FHL2: variants seen among roughly 807,000 people sequenced by gnomAD.
The protein encoded by FHL2 is four and a half LIM domains 2, also known as four and a half LIM domains protein 2.
Under a neutral mutation model 32.7 loss-of-function variants are expected in FHL2, and 20 were observed. The ratio of observed to expected loss-of-function variants is 0.61; its 90% CI spans 0.43 to 0.89. FHL2 has a LOEUF of 0.89. Among genes scored for constraint, FHL2 ranks in the 40% least tolerant of loss-of-function variants. FHL2 has a pLI of 0.00. For synonymous variants in FHL2, 123 were observed against 128.1 expected (o/e 0.96, Z 0.27); for missense variants, 311 against 358.6 (o/e 0.87, Z 1.07).
chr2:105,367,827 C>A, intron 4 of FHL2, 88 bp from the exon 5 acceptor site: 1 of 1,392,790 alleles, frequency 7.2e-7, no homozygotes. Context: ...TTGCTGCCCT[C>A]TAGTTTTATG....
intron 3 of FHL2, among the ~76,000 whole-genome samples, chr2:105,374,954 C>T (rs993713854): frequency 2.0e-5 from 3 of 152,128 alleles, no homozygotes; most frequent in Admixed American, 1.3e-4. Flanking sequence ...GGGCTGTTCA[C>T]GCGATGGCCC....
intron 2 of FHL2, among the ~76,000 whole-genome samples, chr2:105,388,279 G>A (rs1392008693): frequency 6.6e-6 from 1 of 152,062 alleles, no homozygotes; most frequent in Non-Finnish European, 1.5e-5. Flanking sequence ...AAAATAAGGG[G>A]TCTCCATGCC....
In FHL2 at chr2:105,399,019, G is replaced by C; in HGVS notation, c.-253C>G. On this transcript the variant is annotated 5_prime_UTR_variant, in exon 1 of 7. Transcript: ENST00000530340. ...CCGGACGGGGCTGGAGGGCGCGGGC[G>C]GCTGGTGGCTGCGGCTCCGCTGCCG... is the stretch of plus-strand genomic sequence containing the variant. 2 of 1,494,348 alleles carry C rather than the reference G, an allele frequency of 1.3e-6. No individual in the cohort carries two copies. The highest frequency in any genetic ancestry group is 1.8e-6 in the Non-Finnish European group (2 of 1,125,164). The allele number at this position is 1,494,348 out of a possible 1,614,324, so 92.6% of individuals were successfully genotyped here. A position where few individuals can be genotyped will look rare whatever the true frequency, so the allele number is the denominator to read the frequency against.
chr2:105,399,314 C>A (rs1235139363), upstream of FHL2: 18 of 1,535,682 alleles, frequency 1.2e-5, no homozygotes, highest in Middle Eastern at 3.3e-4. Context: ...GGCTCTCGGG[C>A]GCGAGTTTCG....
At position 105,367,698 on chromosome 2, in the gene FHL2, T is replaced by A. The variant is rs760901034; in HGVS notation, c.373A>T (p.Thr125Ser). 3.1e-6 allele frequency: 5 copies of A among 1,614,096 alleles called. No homozygotes were observed. In the African/African-American group the frequency reaches 6.7e-5, roughly 22 times the overall value. ...TGGCAGCGGTGGCAGATGAAGCAGG[T>A]CTCATGCCAGCTGCTGCCCTTGTAC... is the stretch of plus-strand genomic sequence containing the variant. Reference protein sequence around the residue: ...MEYKGSSWHETCFICHRCQQP... With the variant: ...MEYKGSSWHESCFICHRCQQP... The change falls in exon 5 of 7, where the codon ACC becomes TCC. Residue 125 changes from threonine (T) to serine (S), a missense_variant. Physicochemically the swap from Thr to Ser is moderately conservative, Grantham distance 58. Coordinates refer to ENST00000530340, the MANE Select transcript of FHL2 (RefSeq NM_001318895.3).
chr2:105,434,036 A>G (rs1202437816), intron 1 of FHL2, among the ~76,000 whole-genome samples: 2 of 152,110 alleles, frequency 1.3e-5, no homozygotes, highest in African/African-American at 4.8e-5. Flanking sequence ...CCATCTCCAT[A>G]TTGTTCACAT....
At chr2:105,365,467 T>A (rs1174772850) in intron 5 of FHL2, among the ~76,000 whole-genome samples, 3 of 152,114 alleles carry the variant, frequency 2.0e-5, no homozygotes, top group African/African-American at 7.2e-5. Context: ...AAGCACACAT[T>A]GGAAAGATGA....
At chr2:105,375,223 A>G (rs1388893948) in intron 3 of FHL2, 3 of 152,162 alleles carry the variant, frequency 2.0e-5, no homozygotes, top group African/African-American at 7.2e-5. Flanking sequence ...CAAACTAGTT[A>G]TTTGATTTAG....
At chr2:105,422,147 A>G (rs1399297500) in intron 1 of FHL2, among the ~76,000 whole-genome samples, 3 of 152,196 alleles carry the variant, frequency 2.0e-5, no homozygotes, top group African/African-American at 7.2e-5. Flanking sequence ...AGAAAGGAAA[A>G]GCCATAGTAA....
Position 105,363,487 on chromosome 2 carries a change from G to A in FHL2, c.502-16C>T, listed in dbSNP as rs1278363053. 5 of 1,592,874 alleles carry A rather than the reference G, an allele frequency of 3.1e-6. No individual in the cohort carries two copies. The Admixed American group carries it at 8.8e-5, about 28-fold the overall frequency. On this transcript the variant is annotated splice_polypyrimidine_tract_variant and intron_variant, in intron 5 of 6. Coordinates refer to ENST00000530340, the MANE Select transcript of FHL2 (RefSeq NM_001318895.3). ...TGGTGATGGGCTGCAGGGACGAGGG[G>A]GAGAGTTAGTGTGGCCTCTGTGCTT...
chr2:105,363,043 C>T, intron 6 of FHL2: 1 of 489,248 alleles, frequency 2.0e-6, no homozygotes, highest in Non-Finnish European at 3.7e-6. Flanking sequence ...AAAGCAGAAA[C>T]TAAACTGGAG....
At chr2:105,393,535 C>T (rs999554878) in intron 2 of FHL2, among the ~76,000 whole-genome samples, 2 of 152,218 alleles carry the variant, frequency 1.3e-5, no homozygotes, top group South Asian at 2.1e-4. Context: ...GCCCCGTCTT[C>T]TACCAACCGT....
At chr2:105,433,989 A>G (rs138588429) in intron 1 of FHL2, among the ~76,000 whole-genome samples, 1 of 152,222 alleles carries the variant, frequency 6.6e-6, no homozygotes, top group East Asian at 1.9e-4. Flanking sequence ...CACATTTAGC[A>G]TATTTTCTGG....
intron 1 of FHL2, among the ~76,000 whole-genome samples, chr2:105,437,757 C>T (rs1684656197): frequency 6.6e-6 from 1 of 152,122 alleles, no homozygotes; most frequent in Non-Finnish European, 1.5e-5. Context: ...TTGGCCAGGG[C>T]ATTACTCAGG....
chr2:105,377,856 C>CATTAAAAAA, intron 3 of FHL2: 5 of 359,692 alleles, frequency 1.4e-5, no homozygotes, highest in South Asian at 6.5e-5. Context: ...CTTGGCCTCT[C>CATTAAAAAA]TCTGGGAAGA....
At chr2:105,386,331 C>CG (rs762127386) in intron 3 of FHL2, 30 bp downstream of exon 3, 1 of 1,608,536 alleles carries the variant, frequency 6.2e-7, no homozygotes, top group African/African-American at 1.3e-5. Context: ...AGGGGAGCGC[C>CG]GGGGACCCGC....
intron 4 of FHL2, among the ~76,000 whole-genome samples, chr2:105,372,974 CA>C: frequency 6.6e-6 from 1 of 152,156 alleles, no homozygotes; most frequent in East Asian, 1.9e-4. Context: ...CATACACACA[CA>C]AAAAAACCAT....
rs10701119 is a variant in FHL2, at chr2:105,371,546, A to ATCTCTCTCTCTCTC, written c.331+1999_331+2012dup. ...CAATCTCATGAGCCAATCCCTTGAAATCTCTCTCTCTCTCTCTCTCTCTCT... is the reference window on the plus strand; with the variant it reads ...CAATCTCATGAGCCAATCCCTTGAAATCTCTCTCTCTCTCTCTCTCTCTCTCTCTCTCTCTCTCT... On this transcript the variant is annotated intron_variant, in intron 4 of 6. Coordinates refer to ENST00000530340, the MANE Select transcript of FHL2 (RefSeq NM_001318895.3). Among the ~76,000 whole-genome samples, 924 of 141,002 alleles carry ATCTCTCTCTCTCTC rather than the reference A, an allele frequency of 6.6e-3. 11 individuals carry two copies. Among genetic ancestry groups the ATCTCTCTCTCTCTC allele is most frequent in the South Asian group, 0.012 (51 of 4,100 alleles). 92.5% of individuals were successfully genotyped at this position (141,002 alleles called of 152,430 possible).
chr2:105,358,125 T>TA (rs759633306), downstream of FHL2: 2 of 152,238 alleles, frequency 1.3e-5, no homozygotes, highest in Non-Finnish European at 2.9e-5. Flanking sequence ...TTTTTGCTAC[T>TA]AATAGCATGG....
Sources: gnomAD v4.1 joint callset for allele counts (sites outside exome capture counted in the v4.1 genomes callset) on GRCh38, gnomAD v4.1.1 for gene constraint, MANE v1.5 for transcripts, NCBI Gene and HGNC (gene_info 2026-07-23, HGNC 2026-07-21) for gene names.